Variants in XPA observed in about 807,000 individuals in gnomAD.
XPA encodes DNA repair protein complementing XP-A cells.
A neutral mutation model predicts 35.7 loss-of-function variants in XPA; 27 were observed. The ratio of observed to expected loss-of-function variants is 0.76; its 90% CI spans 0.56 to 1.04. The LOEUF (loss-of-function observed/expected upper bound fraction) is 1.04, where lower values mean the gene tolerates loss of function less well. Among genes scored for constraint, XPA ranks in the 50% least tolerant of loss-of-function variants. The pLI is 0.00. For missense variants in XPA, 354 were observed against 342.7 expected (o/e 1.03, Z -0.26); for synonymous variants, 133 against 118.4 (o/e 1.12, Z -0.80).
chr9:97,663,549 A>G, the XPA span, among the ~76,000 whole-genome samples: 1 of 152,004 alleles, frequency 6.6e-6, no homozygotes, highest in African/African-American at 2.4e-5. Flanking sequence ...CAGTGGCGCA[A>G]TCTTGGCTCA....
At chr9:97,663,776 G>A in the XPA span, among the ~76,000 whole-genome samples, 1 of 151,796 alleles carries the variant, frequency 6.6e-6, no homozygotes, top group East Asian at 2.0e-4. Flanking sequence ...GTGAGCCACC[G>A]CGCCTGGCCA....
chr9:97,683,111 G>A (rs1429010863), intron 5 of XPA, among the ~76,000 whole-genome samples: 1 of 152,114 alleles, frequency 6.6e-6, no homozygotes, highest in African/African-American at 2.4e-5. Flanking sequence ...ATTATTATCT[G>A]CACCAAAATA....
At chr9:97,689,902 T>C (rs1190796506) in intron 2 of XPA, among the ~76,000 whole-genome samples, 1 of 152,242 alleles carries the variant, frequency 6.6e-6, no homozygotes, top group African/African-American at 2.4e-5. Flanking sequence ...TAGTGCTACA[T>C]TAGTTATAAG....
At chr9:97,655,914 A>C in the XPA span, 1 of 1,372,550 alleles carries the variant, frequency 7.3e-7, no homozygotes, top group Non-Finnish European at 1.0e-6. Context: ...ACTTAACAAA[A>C]CTTGTAAGTT....
chr9:97,671,256 A>G, downstream of XPA: 1 of 1,280,696 alleles, frequency 7.8e-7, no homozygotes, highest in East Asian at 2.4e-5. Context: ...AATTTGTCTT[A>G]TTTTTTGATG....
At chr9:97,696,566 T>C (rs1207977746) in intron 1 of XPA, among the ~76,000 whole-genome samples, 4 of 152,178 alleles carry the variant, frequency 2.6e-5, no homozygotes, top group African/African-American at 7.2e-5. Flanking sequence ...GATTGCTGAA[T>C]CTCCTCTCCT....
chr9:97,687,191 C>G lies in XPA; in HGVS notation c.460G>C (p.Asp154His), dbSNP rs1477700804. Residue 154 changes from aspartate (D) to histidine (H), a missense_variant, in exon 4 of 6, where the codon GAT becomes CAT. Coordinates refer to ENST00000375128, the MANE Select transcript of XPA (RefSeq NM_000380.4). ...AKQEYLLKDC[D>H]LEKREPPLKF... The stretch of plus-strand genomic sequence containing the variant: ...AGAGGTGGCTCTCTTTTTTCTAAAT[C>G]ACAGTCTTTCAGAAGATATTCTTGT... 2.5e-6 allele frequency: 4 copies of G among 1,611,620 alleles called. No homozygotes were observed. In the East Asian group the frequency reaches 8.9e-5, roughly 36 times the overall value.
chr9:97,668,102 T>C, the XPA span, among the ~76,000 whole-genome samples: 1 of 152,192 alleles, frequency 6.6e-6, no homozygotes, highest in Admixed American at 6.5e-5. Context: ...CTCGAAGAAT[T>C]ACCAGGCTTT....
At chr9:97,674,142 C>CT (rs930810874), downstream of XPA, among the ~76,000 whole-genome samples, 12 of 151,658 alleles carry the variant, frequency 7.9e-5, no homozygotes, top group African/African-American at 2.9e-4. Context: ...CCTTCCCCGC[C>CT]CCCATAATGC....
chr9:97,666,673 C>T, the XPA span: 23 of 784,492 alleles, frequency 2.9e-5, no homozygotes, highest in Middle Eastern at 2.6e-3. Flanking sequence ...GCTGTATCAG[C>T]TGTTAAGAAT....
chr9:97,656,407 C>A, the XPA span, among the ~76,000 whole-genome samples: 5 of 152,180 alleles, frequency 3.3e-5, no homozygotes, highest in Admixed American at 3.3e-4. Context: ...ATGGGGAAAC[C>A]CCCTCTCTAC....
the XPA span, chr9:97,669,000 A>C: frequency 6.3e-7 from 1 of 1,574,866 alleles, no homozygotes; most frequent in South Asian, 1.2e-5. Flanking sequence ...ACATTTATAC[A>C]TAAAAGGAAA....
At chr9:97,657,749 CCATTT>C in the XPA span, among the ~76,000 whole-genome samples, 2 of 151,750 alleles carry the variant, frequency 1.3e-5, no homozygotes, top group Admixed American at 6.6e-5. Flanking sequence ...CCTTTCTCCC[CCATTT>C]ATTTATTCCT....
At chr9:97,666,047 A>G in the XPA span, among the ~76,000 whole-genome samples, 1 of 152,210 alleles carries the variant, frequency 6.6e-6, no homozygotes, top group Non-Finnish European at 1.5e-5. Context: ...CCATGTGTAA[A>G]TGGACCTGCA....
At chr9:97,668,685 C>T in the XPA span, among the ~76,000 whole-genome samples, 2 of 150,782 alleles carry the variant, frequency 1.3e-5, no homozygotes, top group African/African-American at 4.9e-5. Context: ...CACAACAGGA[C>T]TTTGAGGTAT....
the XPA span, among the ~76,000 whole-genome samples, chr9:97,669,263 C>G: frequency 6.6e-6 from 1 of 152,130 alleles, no homozygotes; most frequent in East Asian, 1.9e-4. Flanking sequence ...TTCCTCATTG[C>G]TGATCATTTT....
Position 97,687,093 on chromosome 9 carries a change from G to T in XPA, c.555+3C>A. 6.2e-7 allele frequency: 1 copy of T among 1,607,166 alleles called. No homozygotes were observed. The highest frequency in any genetic ancestry group is 1.1e-5 in the South Asian group (1 of 89,372). On this transcript the variant is annotated splice_donor_region_variant and intron_variant, in intron 4 of 5. Transcript: ENST00000375128. ...AAAATAATAAATACAACTTATTAGA[G>T]ACCTGTAACTTTAAGTAGAGTTTCA...
intron 5 of XPA, among the ~76,000 whole-genome samples, chr9:97,683,006 G>A (rs895699816): frequency 6.6e-6 from 1 of 152,144 alleles, no homozygotes; most frequent in Non-Finnish European, 1.5e-5. Context: ...TACAGAATTA[G>A]TATCTAAGAA....
the XPA span, chr9:97,656,034 C>T: frequency 6.2e-7 from 1 of 1,614,052 alleles, no homozygotes; most frequent in African/African-American, 1.3e-5. Flanking sequence ...AGTCAAGATC[C>T]TGAAAGTCCC....
Sources: gnomAD v4.1 joint callset for allele counts (sites outside exome capture counted in the v4.1 genomes callset) on GRCh38, gnomAD v4.1.1 for gene constraint, MANE v1.5 for transcripts, NCBI Gene and HGNC (gene_info 2026-07-23, HGNC 2026-07-21) for gene names.